The following PDAP1 variants were observed in gnomAD, a reference collection of about 807,000 sequenced individuals.
PDAP1 encodes the protein 28 kDa heat- and acid-stable phosphoprotein.
PDAP1 carries 13 observed loss-of-function variants against 28.0 expected under a neutral mutation model. That is an observed-to-expected ratio of 0.46 (90% CI 0.30 to 0.74). The LOEUF (loss-of-function observed/expected upper bound fraction) is 0.74. Ranked by LOEUF, PDAP1 falls within the 30% of genes least tolerant of loss-of-function variation. PDAP1 has a pLI of 0.07. For missense variants in PDAP1, 150 were observed against 230.0 expected (o/e 0.65, Z 2.25); for synonymous variants, 77 against 85.1 (o/e 0.91, Z 0.52).
At chr7:99,403,656 C>T (rs1794920624) in intron 2 of PDAP1, 151 bp from the exon 3 acceptor site, 3 of 697,464 alleles carry the variant, frequency 4.3e-6, no homozygotes, top group East Asian at 2.7e-5. Context: ...GTGACCCTGG[C>T]CCCCAGGGAA....
Position 99,395,837 on chromosome 7 carries a change from T to G in PDAP1, c.*845A>C, listed in dbSNP as rs971337325. The stretch of plus-strand genomic sequence containing the variant: ...GTATCTAGGGTCCATCCCCGCATCC[T>G]GCTCGGTGCCACCTGACAGATGTCA... On this transcript the variant is annotated 3_prime_UTR_variant, in exon 6 of 6. Coordinates refer to ENST00000350498, the MANE Select transcript of PDAP1 (RefSeq NM_014891.7). The G allele has an allele frequency of 6.6e-6, 1 of 152,548 alleles. No homozygotes were observed. The allele number at this position is 152,548 out of a possible 1,614,324, so 9.4% of individuals were successfully genotyped here.
Position 99,396,407 on chromosome 7 carries a change from C to A in PDAP1, c.*275G>T, listed in dbSNP as rs954773899. The A allele has an allele frequency of 2.3e-5, 12 of 517,284 alleles. 1 individual carries two copies. In the South Asian group the frequency reaches 2.4e-4, roughly 11 times the overall value. The allele number at this position is 517,284 out of a possible 1,614,324, so 32.0% of individuals were successfully genotyped here. ...TCCCAGGCACCCCCCAGCAAGGGCT[C>A]TGAATTCTAAAAACAGCAAAAACAT... On this transcript the variant is annotated 3_prime_UTR_variant, in exon 6 of 6. Transcript: ENST00000350498.
chr7:99,403,569 C>G (rs1794919448), intron 2 of PDAP1, 64 bp from the exon 3 acceptor site: 1 of 1,004,560 alleles, frequency 1.0e-6, no homozygotes, highest in African/African-American at 1.6e-5. Context: ...GACTGTGACC[C>G]TATCACCCCC....
chr7:99,406,003 G>A (rs1794964322), intron 1 of PDAP1, among the ~76,000 whole-genome samples: 1 of 152,206 alleles, frequency 6.6e-6, no homozygotes, highest in Non-Finnish European at 1.5e-5. Flanking sequence ...TGTAATCCCA[G>A]CACTTTGGGA....
In PDAP1 at chr7:99,394,866, T is replaced by G. The variant is rs574639974; in HGVS notation, c.*1816A>C. 231 of 1,204,790 alleles carry G rather than the reference T, an allele frequency of 1.9e-4. No individual in the cohort carries two copies. Among genetic ancestry groups the G allele is most frequent in the Non-Finnish European group, 2.3e-4 (219 of 964,550 alleles). The allele number at this position is 1,204,790 out of a possible 1,614,324, so 74.6% of individuals were successfully genotyped here. A position where few individuals can be genotyped will look rare whatever the true frequency, so the allele number is the denominator to read the frequency against. Reference sequence around the variant, plus strand: ...TTTTGTTATTTCCTTGGGGTCTTGCTAAGTTTTCCAGGCTGCACTAGAACT... The same window carrying G: ...TTTTGTTATTTCCTTGGGGTCTTGCGAAGTTTTCCAGGCTGCACTAGAACT... On this transcript the variant is annotated 3_prime_UTR_variant, in exon 6 of 6. Transcript: ENST00000350498.
chr7:99,399,919 C>A (rs1562822997), intron 4 of PDAP1, among the ~76,000 whole-genome samples: 1 of 152,218 alleles, frequency 6.6e-6, no homozygotes. Flanking sequence ...CTGGCCGGCA[C>A]AGGCTCGCAG....
At chr7:99,405,582 T>C (rs1425036123) in intron 1 of PDAP1, among the ~76,000 whole-genome samples, 1 of 151,864 alleles carries the variant, frequency 6.6e-6, no homozygotes, top group Non-Finnish European at 1.5e-5. Flanking sequence ...TAGAATGGTC[T>C]TGATCTCTTG....
intron 4 of PDAP1, among the ~76,000 whole-genome samples, chr7:99,399,830 A>G (rs1794830351): frequency 6.6e-6 from 1 of 152,200 alleles, no homozygotes; most frequent in Non-Finnish European, 1.5e-5. Flanking sequence ...CTTGAGGAAG[A>G]TATTTACAGC....
rs773085531 is a variant in PDAP1, at chr7:99,394,779, T to TAAA, written c.*1900_*1902dup. ...GTGGAGGTAATAAAATGCAACTGTG[T>TAAA]AAAAAAAAAAAAAAAAAAAAAAGTA... On this transcript the variant is annotated 3_prime_UTR_variant, in exon 6 of 6. Coordinates refer to ENST00000350498, the MANE Select transcript of PDAP1 (RefSeq NM_014891.7). 2.9e-3 allele frequency: 2,752 copies of TAAA among 953,912 alleles called. 10 individuals are homozygous for TAAA. The highest frequency in any genetic ancestry group is 0.018 in the African/African-American group (758 of 42,628). The allele number at this position is 953,912 out of a possible 1,614,324, so 59.1% of individuals were successfully genotyped here. A position where few individuals can be genotyped will look rare whatever the true frequency, so the allele number is the denominator to read the frequency against.
At chr7:99,407,497 T>C (rs1372235518) in intron 1 of PDAP1, among the ~76,000 whole-genome samples, 1 of 152,182 alleles carries the variant, frequency 6.6e-6, no homozygotes, top group African/African-American at 2.4e-5. Flanking sequence ...CAGGAAGCGA[T>C]TTAGGTTTGA....
intron 3 of PDAP1, among the ~76,000 whole-genome samples, chr7:99,402,800 A>G (rs1466074068): frequency 1.3e-5 from 2 of 149,122 alleles, no homozygotes; most frequent in Non-Finnish European, 1.5e-5. Context: ...AAGCGCTTGA[A>G]CCTGGGAGGC....
chr7:99,396,735 C>A lies in PDAP1; in HGVS notation c.493G>T (p.Asp165Tyr), dbSNP rs1794773406. 1.9e-6 allele frequency: 3 copies of A among 1,611,402 alleles called. No homozygotes were observed. Among genetic ancestry groups the A allele is most frequent in the Non-Finnish European group, 2.5e-6 (3 of 1,178,778 alleles). The change falls in exon 6 of 6, where the codon GAC becomes TAC. Residue 165 changes from aspartate to tyrosine, a missense_variant. Coordinates refer to ENST00000350498, the MANE Select transcript of PDAP1 (RefSeq NM_014891.7). ...RKKEEERKAK[D>Y]DATLSGKRMQ... is the part of the protein sequence containing the mutation. Reference sequence around the variant, plus strand: ...CGTTTTCCTGACAATGTGGCATCGTCTTTTGCTGAGGGGTGGGAGAAGGGC... The same window carrying A: ...CGTTTTCCTGACAATGTGGCATCGTATTTTGCTGAGGGGTGGGAGAAGGGC...
At position 99,396,575 on chromosome 7, in the gene PDAP1, G is replaced by C; in HGVS notation, c.*107C>G. ...GGCCCCAGGCCATGGGGGGCTCCTGGCCATGAGGGGCTGTTGCAGCGGCGC... is the reference window on the plus strand; with the variant it reads ...GGCCCCAGGCCATGGGGGGCTCCTGCCCATGAGGGGCTGTTGCAGCGGCGC... On this transcript the variant is annotated 3_prime_UTR_variant, in exon 6 of 6. Transcript: ENST00000350498. 1 of 884,954 alleles carries C rather than the reference G, an allele frequency of 1.1e-6. No individual in the cohort carries two copies. The highest frequency in any genetic ancestry group is 1.9e-6 in the Non-Finnish European group (1 of 536,346). The allele number at this position is 884,954 out of a possible 1,614,324, so 54.8% of individuals were successfully genotyped here. A position where few individuals can be genotyped will look rare whatever the true frequency, so the allele number is the denominator to read the frequency against.
Position 99,395,989 on chromosome 7 carries a change from G to A in PDAP1, c.*693C>T, listed in dbSNP as rs890405644. Reference sequence around the variant, plus strand: ...GATGGATTGCCAAAACAAAGATTACGATAATGTCAAGTTTAATCTGCCAAA... The same window carrying A: ...GATGGATTGCCAAAACAAAGATTACAATAATGTCAAGTTTAATCTGCCAAA... On this transcript the variant is annotated 3_prime_UTR_variant, in exon 6 of 6. Transcript: ENST00000350498. 3 of 152,862 alleles carry A rather than the reference G, an allele frequency of 2.0e-5. No homozygotes were observed. Among genetic ancestry groups the A allele is most frequent in the Admixed American group, 1.3e-4 (2 of 15,298 alleles). 9.5% of individuals were successfully genotyped at this position (152,862 alleles called of 1,614,324 possible). A position where few individuals can be genotyped will look rare whatever the true frequency, so the allele number is the denominator to read the frequency against.
Position 99,396,490 on chromosome 7 carries a change from ACCCCTCCCCCAGTCCCCCC to A in PDAP1, c.*173_*191del. ...TCTTTCTGTCTCAAAGATAGCAGCT[ACCCCTCCCCCAGTCCCCCC>A]CCCCATCCCCCAAACAATTTCTGTG... is the stretch of plus-strand genomic sequence containing the variant. On this transcript the variant is annotated 3_prime_UTR_variant, in exon 6 of 6. Coordinates refer to ENST00000350498, the MANE Select transcript of PDAP1 (RefSeq NM_014891.7). 1.7e-6 allele frequency: 1 copy of A among 576,832 alleles called. No individual in the cohort carries two copies. The highest frequency in any genetic ancestry group is 3.1e-6 in the Non-Finnish European group (1 of 326,960). The allele number at this position is 576,832 out of a possible 1,614,324, so 35.7% of individuals were successfully genotyped here. A position where few individuals can be genotyped will look rare whatever the true frequency, so the allele number is the denominator to read the frequency against.
At chr7:99,403,088 C>G (rs1794908341) in intron 3 of PDAP1, among the ~76,000 whole-genome samples, 1 of 152,148 alleles carries the variant, frequency 6.6e-6, no homozygotes, top group Non-Finnish European at 1.5e-5. Context: ...TCCAGTTTCT[C>G]AATTGCTCTG....
intron 1 of PDAP1, 91 bp downstream of exon 1, chr7:99,408,445 C>T (rs1795030436): frequency 8.4e-7 from 1 of 1,197,076 alleles, no homozygotes; most frequent in African/African-American, 1.6e-5. Context: ...CTCTGCGCTG[C>T]TCTCAGAGAC....
At chr7:99,398,604 T>G (rs530186936) in intron 4 of PDAP1, among the ~76,000 whole-genome samples, 1 of 152,332 alleles carries the variant, frequency 6.6e-6, no homozygotes, top group South Asian at 2.1e-4. Flanking sequence ...CATGGGAGGC[T>G]GAGGCAGGCG....
At chr7:99,397,681 C>T (rs537771594) in intron 5 of PDAP1, among the ~76,000 whole-genome samples, 181 bp downstream of exon 5, 1 of 152,352 alleles carries the variant, frequency 6.6e-6, no homozygotes, top group African/African-American at 2.4e-5. Context: ...TCGCTGGACC[C>T]TCCTGGTCCC....
Sources: gnomAD v4.1 joint callset for allele counts (sites outside exome capture counted in the v4.1 genomes callset) on GRCh38, gnomAD v4.1.1 for gene constraint, MANE v1.5 for transcripts, NCBI Gene and HGNC (gene_info 2026-07-23, HGNC 2026-07-21) for gene names.